Variants in QTMAN observed in about 807,000 individuals in gnomAD.
QTMAN encodes tRNA-queuosine alpha-mannosyltransferase.
At chr2:144,035,741 G>A in the QTMAN span, among the ~76,000 whole-genome samples, 1 of 152,150 alleles carries the variant, frequency 6.6e-6, no homozygotes, top group African/African-American at 2.4e-5. Context: ...CATTTCAACA[G>A]TTTTGAGAAC....
At chr2:144,204,374 C>G in the QTMAN span, among the ~76,000 whole-genome samples, 3 of 152,136 alleles carry the variant, frequency 2.0e-5, no homozygotes, top group Non-Finnish European at 4.4e-5. Context: ...TTTATGCAGC[C>G]AACAGACACG....
the QTMAN span, among the ~76,000 whole-genome samples, chr2:144,180,757 T>A: frequency 1.1e-4 from 17 of 152,320 alleles, no homozygotes; most frequent in Middle Eastern, 3.4e-3. Context: ...TTAGTCCGTA[T>A]ATTGGTTTTC....
At chr2:144,094,369 T>C in the QTMAN span, among the ~76,000 whole-genome samples, 2 of 152,206 alleles carry the variant, frequency 1.3e-5, no homozygotes, top group East Asian at 1.9e-4. Context: ...TAAGCAAATA[T>C]ATTTGTCATT....
chr2:144,100,864 T>C, the QTMAN span, among the ~76,000 whole-genome samples: 127 of 123,848 alleles, frequency 1.0e-3, 1 homozygote, highest in African/African-American at 3.7e-3. Context: ...TCTTTCTTTT[T>C]TTTTTTTTTT....
At chr2:144,070,449 T>C in the QTMAN span, among the ~76,000 whole-genome samples, 2 of 152,108 alleles carry the variant, frequency 1.3e-5, no homozygotes, top group Admixed American at 6.6e-5. Context: ...ACAAACTCTA[T>C]CTTCATTATA....
At chr2:144,196,863 T>C in the QTMAN span, among the ~76,000 whole-genome samples, 1 of 152,202 alleles carries the variant, frequency 6.6e-6, no homozygotes, top group African/African-American at 2.4e-5. Context: ...ATGCACTTAA[T>C]ACTTTACTTT....
the QTMAN span, among the ~76,000 whole-genome samples, chr2:143,971,366 T>G: frequency 6.6e-6 from 1 of 152,128 alleles, no homozygotes; most frequent in African/African-American, 2.4e-5. Context: ...TGGGTCTATG[T>G]CCGCTGAGTA....
the QTMAN span, among the ~76,000 whole-genome samples, chr2:144,134,660 G>A: frequency 6.6e-6 from 1 of 152,096 alleles, no homozygotes; most frequent in South Asian, 2.1e-4. Flanking sequence ...TTCTGTTGTA[G>A]TGATCATAGC....
At chr2:144,271,976 C>A in the QTMAN span, among the ~76,000 whole-genome samples, 5 of 152,168 alleles carry the variant, frequency 3.3e-5, no homozygotes, top group African/African-American at 9.7e-5. Flanking sequence ...AACCACTTTG[C>A]TGACATGTGT....
chr2:144,293,565 C>T, the QTMAN span, among the ~76,000 whole-genome samples: 1 of 152,270 alleles, frequency 6.6e-6, no homozygotes, highest in Admixed American at 6.5e-5. Context: ...AACATTAAGT[C>T]CTCCCTGTGT....
the QTMAN span, among the ~76,000 whole-genome samples, chr2:143,984,166 G>A: frequency 6.6e-6 from 1 of 152,162 alleles, no homozygotes; most frequent in African/African-American, 2.4e-5. Context: ...ATAGAAAAGT[G>A]ACAACTGAAA....
the QTMAN span, chr2:144,295,371 T>A: frequency 4.6e-5 from 7 of 152,166 alleles, no homozygotes; most frequent in African/African-American, 1.7e-4. Context: ...AACCACTGTA[T>A]CCCCAGTGCC....
At chr2:144,205,047 G>A in the QTMAN span, among the ~76,000 whole-genome samples, 1 of 151,862 alleles carries the variant, frequency 6.6e-6, no homozygotes, top group African/African-American at 2.4e-5. Context: ...AATGTTAAAC[G>A]ACGAGTTAAT....
chr2:144,094,447 T>G, the QTMAN span, among the ~76,000 whole-genome samples: 3 of 152,336 alleles, frequency 2.0e-5, no homozygotes, highest in African/African-American at 4.8e-5. Context: ...GAGTAATTTC[T>G]TTTAAGAAGA....
chr2:144,288,552 A>G, the QTMAN span, among the ~76,000 whole-genome samples: 550 of 152,326 alleles, frequency 3.6e-3, 2 homozygotes, highest in African/African-American at 0.012. Flanking sequence ...CAAGACAGGG[A>G]AAACTACACT....
the QTMAN span, among the ~76,000 whole-genome samples, chr2:144,333,027 C>T: frequency 1.3e-5 from 2 of 152,218 alleles, no homozygotes; most frequent in African/African-American, 4.8e-5. Flanking sequence ...TCCTGGCTCC[C>T]TTGCCGACAC....
At chr2:144,052,003 T>C in the QTMAN span, among the ~76,000 whole-genome samples, 1 of 152,226 alleles carries the variant, frequency 6.6e-6, no homozygotes, top group Non-Finnish European at 1.5e-5. Context: ...ATACATTATA[T>C]GGGTACACAT....
At chr2:144,315,148 G>C in the QTMAN span, among the ~76,000 whole-genome samples, 1 of 152,152 alleles carries the variant, frequency 6.6e-6, no homozygotes, top group Non-Finnish European at 1.5e-5. Flanking sequence ...GCCTCCCAAA[G>C]GGCTGAGATT....
At chr2:144,159,937 AT>A in the QTMAN span, among the ~76,000 whole-genome samples, 8 of 152,000 alleles carry the variant, frequency 5.3e-5, no homozygotes, top group Admixed American at 2.0e-4. Flanking sequence ...TTCAGGCTAT[AT>A]TTTTTTAGGA....
Sources: gnomAD v4.1 joint callset for allele counts (sites outside exome capture counted in the v4.1 genomes callset) on GRCh38, gnomAD v4.1.1 for gene constraint, MANE v1.5 for transcripts, NCBI Gene and HGNC (gene_info 2026-07-23, HGNC 2026-07-21) for gene names.